Variants in PLS1 observed in about 807,000 individuals in gnomAD.
PLS1 encodes plastin 1.
PLS1 carries 32 observed loss-of-function variants against 73.7 expected under a neutral mutation model. The ratio of observed to expected loss-of-function variants is 0.43; its 90% confidence interval spans 0.33 to 0.58. The LOEUF (loss-of-function observed/expected upper bound fraction) is 0.58, where lower values mean the gene tolerates loss of function less well. PLS1 is among the 20% of genes least tolerant of loss of function. The pLI, the probability that PLS1 is intolerant of heterozygous loss-of-function variation, is 0.04. For missense variants in PLS1, 633 were observed against 740.5 expected, an observed-to-expected ratio of 0.85 and a Z score of 1.68; for synonymous variants, 217 against 261.3, an observed-to-expected ratio of 0.83 and a Z score of 1.63.
chr3:142,665,364 A>G (rs2037459309), intron 2 of PLS1, among the ~76,000 whole-genome samples: 2 of 152,046 alleles, frequency 1.3e-5, no homozygotes, highest in African/African-American at 4.8e-5. Context: ...ATTACTGTGA[A>G]ATAAAGTAAA....
intron 5 of PLS1, among the ~76,000 whole-genome samples, chr3:142,677,215 T>A (rs1186267763): frequency 6.6e-6 from 1 of 152,222 alleles, no homozygotes; most frequent in Non-Finnish European, 1.5e-5. Context: ...TGGCTTCGTA[T>A]CTTTCTGCAA....
At chr3:142,599,455 G>A (rs369169276) in intron 1 of PLS1, among the ~76,000 whole-genome samples, 2,656 of 148,058 alleles carry the variant, frequency 0.018, 25 homozygotes, top group South Asian at 0.043. Context: ...TCAGCCTCCC[G>A]AGTAGCTGGG....
intron 5 of PLS1, 56 bp downstream of exon 5, chr3:142,676,345 A>C: frequency 1.3e-6 from 2 of 1,540,866 alleles, no homozygotes; most frequent in Non-Finnish European, 1.8e-6. Flanking sequence ...ATTGATGAGC[A>C]TTCCATGAAA....
intron 6 of PLS1, 138 bp from the exon 7 acceptor site, chr3:142,683,868 A>G (rs1255740794): frequency 3.5e-6 from 2 of 568,844 alleles, no homozygotes; most frequent in South Asian, 2.8e-5. Context: ...TTTTTTTTTG[A>G]GTAGTGGTAT....
chr3:142,701,325 C>T (rs968832975), intron 12 of PLS1, among the ~76,000 whole-genome samples: 3 of 152,134 alleles, frequency 2.0e-5, no homozygotes, highest in Admixed American at 6.5e-5. Context: ...ATGCTTGGGA[C>T]CAGACATATT....
intron 1 of PLS1, among the ~76,000 whole-genome samples, chr3:142,597,792 C>G (rs545165433): frequency 6.6e-6 from 1 of 152,338 alleles, no homozygotes; most frequent in Non-Finnish European, 1.5e-5. Flanking sequence ...TGCAGATACT[C>G]TTCTTTACCT....
chr3:142,682,312 C>G (rs2037872793), intron 6 of PLS1, among the ~76,000 whole-genome samples: 1 of 152,138 alleles, frequency 6.6e-6, no homozygotes, highest in Admixed American at 6.5e-5. Flanking sequence ...AGTGAAAAAT[C>G]AGACCTTTTG....
intron 14 of PLS1, among the ~76,000 whole-genome samples, chr3:142,706,434 G>C (rs377650296): frequency 1.3e-5 from 2 of 152,082 alleles, no homozygotes; most frequent in East Asian, 1.9e-4. Context: ...AACTTAGAAG[G>C]GTCCATCTTG....
intron 1 of PLS1, among the ~76,000 whole-genome samples, chr3:142,610,231 G>T (rs955495861): frequency 1.3e-5 from 2 of 152,116 alleles, no homozygotes; most frequent in African/African-American, 4.8e-5. Context: ...CATCTCTATG[G>T]TAAATATTCT....
intron 6 of PLS1, among the ~76,000 whole-genome samples, chr3:142,679,018 G>A (rs2037786684): frequency 1.3e-5 from 2 of 151,934 alleles, no homozygotes; most frequent in South Asian, 4.2e-4. Flanking sequence ...TTTCTCTGAT[G>A]GCCAGTGATG....
intron 1 of PLS1, among the ~76,000 whole-genome samples, chr3:142,631,343 G>A (rs1447445917): frequency 3.9e-5 from 6 of 151,990 alleles, no homozygotes; most frequent in Admixed American, 3.3e-4. Flanking sequence ...GTGAAACCCC[G>A]TTTCTACTAA....
At position 142,622,329 on chromosome 3, in the gene PLS1, A is replaced by C. The variant is rs539450632; in HGVS notation, c.-37+25820A>C. Among the ~76,000 whole-genome samples the C allele has an allele frequency of 6.6e-5, 10 of 152,350 alleles. 1 individual carries two copies. In the East Asian group the frequency reaches 1.9e-3, roughly 29 times the overall value. Reference sequence around the variant, plus strand: ...GCCGGCAGTGTTTTGACAGGTATATACATCCACAAAATCACCACCACAATC... The same window carrying C: ...GCCGGCAGTGTTTTGACAGGTATATCCATCCACAAAATCACCACCACAATC... On this transcript the variant is annotated intron_variant, in intron 1 of 15. Transcript: ENST00000457734.
chr3:142,604,891 C>T (rs1343760232), intron 1 of PLS1, among the ~76,000 whole-genome samples: 8 of 149,954 alleles, frequency 5.3e-5, no homozygotes, highest in Non-Finnish European at 1.2e-4. Context: ...GCTGAGATCA[C>T]GGCACTGCAT....
intron 14 of PLS1, among the ~76,000 whole-genome samples, chr3:142,709,304 T>C (rs748786129): frequency 7.2e-5 from 11 of 152,142 alleles, no homozygotes; most frequent in Non-Finnish European, 1.5e-4. Context: ...CAGACTGATT[T>C]CTCAGAAACA....
intron 14 of PLS1, among the ~76,000 whole-genome samples, chr3:142,710,986 A>T (rs1039368849): frequency 1.3e-5 from 2 of 152,092 alleles, no homozygotes; most frequent in African/African-American, 4.8e-5. Context: ...ATCTTTTTTT[A>T]AAAAAGAATT....
intron 1 of PLS1, among the ~76,000 whole-genome samples, chr3:142,629,481 G>A (rs1363016918): frequency 3.3e-5 from 5 of 152,166 alleles, no homozygotes; most frequent in African/African-American, 7.2e-5. Flanking sequence ...GTTTACAGGC[G>A]TGAGCCACTG....
chr3:142,621,814 TG>T (rs145693929), intron 1 of PLS1, among the ~76,000 whole-genome samples: 9,069 of 152,256 alleles, frequency 0.06, 855 homozygotes, highest in African/African-American at 0.2. Context: ...AGTGAAGTCC[TG>T]GGGGAAATCA....
At chr3:142,673,280 C>T (rs1029840048) in intron 4 of PLS1, among the ~76,000 whole-genome samples, 9 of 152,096 alleles carry the variant, frequency 5.9e-5, no homozygotes, top group Admixed American at 2.6e-4. Context: ...CTCCTGGGTT[C>T]GAGCGATCTG....
rs1347345213 is a variant in PLS1 at position 142,666,303 on chromosome 3, A to T, written c.70+1996A>T. Among the ~76,000 whole-genome samples, 4 of 152,178 alleles carry T rather than the reference A, an allele frequency of 2.6e-5. No homozygotes were observed. In the East Asian group the frequency reaches 7.7e-4, roughly 29 times the overall value. ...CAAACTGAAACTCCATATCCATTAA[A>T]CAATAACTCCCAAGCCCCAGGTGAC... is the stretch of plus-strand genomic sequence containing the variant. On this transcript the variant is annotated intron_variant, in intron 2 of 15. Coordinates refer to ENST00000457734, the MANE Select transcript of PLS1 (RefSeq NM_001145319.2).
Sources: allele counts gnomAD v4.1 joint callset (sites outside exome capture counted in the v4.1 genomes callset), GRCh38; gene constraint gnomAD v4.1.1; transcripts MANE v1.5; gene names NCBI Gene and HGNC (gene_info 2026-07-23, HGNC 2026-07-21).